Variants in SLC15A4 observed in about 807,000 individuals in gnomAD.
SLC15A4 encodes solute carrier family 15 member 4, also known as hPHT1.
A neutral mutation model predicts 46.1 loss-of-function variants in SLC15A4; 26 were observed. That is an observed-to-expected ratio of 0.56 (90% CI 0.41 to 0.78). The LOEUF is 0.78. SLC15A4 is among the 30% of genes least tolerant of loss of function. The pLI is 0.00. For missense variants in SLC15A4, 751 were observed against 755.7 expected (o/e 0.99, Z 0.07); for synonymous variants, 370 against 333.4 (o/e 1.11, Z -1.20).
chr12:128,823,584 G>T lies in SLC15A4; in HGVS notation c.360C>A (p.Phe120Leu). The change falls in exon 1 of 8, where the codon TTC becomes TTA. Residue 120 changes from phenylalanine to leucine, a missense_variant. Phe to Leu is a conservative substitution (Grantham distance 22, BLOSUM62 0). Transcript: ENST00000266771. Reference protein sequence around the residue: ...LALYLLGMLAFPLLAAPATRA... With the variant: ...LALYLLGMLALPLLAAPATRA... ...GCGTGGCGGGCGCGGCCAGCAGCGG[G>T]AAGGCCAGCATGCCCAGCAGGTAGA... 6.9e-7 allele frequency: 1 copy of T among 1,448,942 alleles called. No individual in the cohort carries two copies. The highest frequency in any genetic ancestry group is 1.4e-5 in the South Asian group (1 of 73,496). 89.8% of individuals were successfully genotyped at this position (1,448,942 alleles called of 1,614,324 possible).
At chr12:128,807,525 G>C (rs747913869) in intron 5 of SLC15A4, among the ~76,000 whole-genome samples, 7 of 152,222 alleles carry the variant, frequency 4.6e-5, no homozygotes, top group Admixed American at 1.3e-4. Context: ...CAGCCCCGGG[G>C]GGAGAGAGAG....
chr12:128,823,583 G>T lies in SLC15A4; in HGVS notation c.361C>A (p.Pro121Thr), dbSNP rs1214967419. 1 of 1,448,756 alleles carries T rather than the reference G, an allele frequency of 6.9e-7. No individual in the cohort carries two copies. The highest frequency in any genetic ancestry group is 9.0e-7 in the Non-Finnish European group (1 of 1,108,128). 89.7% of individuals were successfully genotyped at this position (1,448,756 alleles called of 1,614,324 possible). A position where few individuals can be genotyped will look rare whatever the true frequency, so the allele number is the denominator to read the frequency against. Reference protein sequence around the residue: ...ALYLLGMLAFPLLAAPATRAA... With the variant: ...ALYLLGMLAFTLLAAPATRAA... ...CGCGTGGCGGGCGCGGCCAGCAGCG[G>T]GAAGGCCAGCATGCCCAGCAGGTAG... The change falls in exon 1 of 8, where the codon CCG becomes ACG. Residue 121 changes from proline (P) to threonine (T), a missense_variant. Pro to Thr is a conservative substitution (Grantham distance 38). Coordinates refer to ENST00000266771, the MANE Select transcript of SLC15A4 (RefSeq NM_145648.4).
rs566116468 is a variant in SLC15A4, at chr12:128,809,270, A to G, written c.1089+126T>C. ...ATTCTCTAAAATAAGTAAAAACTCT[A>G]TTTCAATAACAATGCTTTTGTGTCG... is the stretch of plus-strand genomic sequence containing the variant. On this transcript the variant is annotated intron_variant, in intron 4 of 7. Transcript: ENST00000266771. The G allele has an allele frequency of 7.3e-6, 5 of 683,612 alleles. No homozygotes were observed. In the Admixed American group the frequency reaches 1.5e-4, roughly 20 times the overall value. The allele number at this position is 683,612 out of a possible 1,614,324, so 42.3% of individuals were successfully genotyped here. A position where few individuals can be genotyped will look rare whatever the true frequency, so the allele number is the denominator to read the frequency against.
chr12:128,822,756 G>A (rs1593020340), intron 1 of SLC15A4, among the ~76,000 whole-genome samples: 4 of 152,118 alleles, frequency 2.6e-5, no homozygotes. Flanking sequence ...GGCTGGTCTC[G>A]AACTCCTGAC....
intron 1 of SLC15A4, among the ~76,000 whole-genome samples, chr12:128,822,194 C>A (rs1481466582): frequency 6.6e-6 from 1 of 152,220 alleles, no homozygotes; most frequent in Non-Finnish European, 1.5e-5. Flanking sequence ...CACGTCCTTG[C>A]CCCTCCTGAA....
chr12:128,794,014 G>A lies in SLC15A4; in HGVS notation c.*182C>T, dbSNP rs1434295443. ...GAGGGCCCAGCGTGCCAGGAGACAC[G>A]CTGCAGTAAGGCACTTACCAAGCTC... On this transcript the variant is annotated 3_prime_UTR_variant, in exon 8 of 8. Transcript: ENST00000266771. 6.0e-6 allele frequency: 3 copies of A among 498,744 alleles called. No homozygotes were observed. The highest frequency in any genetic ancestry group is 2.9e-4 in the Middle Eastern group (1 of 3,446). 30.9% of individuals were successfully genotyped at this position (498,744 alleles called of 1,614,324 possible).
At chr12:128,814,729 C>A (rs372045411) in intron 2 of SLC15A4, 46 bp downstream of exon 2, 361 of 1,585,056 alleles carry the variant, frequency 2.3e-4, no homozygotes, top group Non-Finnish European at 2.9e-4. Flanking sequence ...ATAAAGAGAT[C>A]GATAAAGTCC....
chr12:128,823,441 A>T lies in SLC15A4; in HGVS notation c.503T>A (p.Val168Glu), dbSNP rs1477840644. 1 of 1,464,020 alleles carries T rather than the reference A, an allele frequency of 6.8e-7. No individual in the cohort carries two copies. Among genetic ancestry groups the T allele is most frequent in the Non-Finnish European group, 9.0e-7 (1 of 1,115,562 alleles). 90.7% of individuals were successfully genotyped at this position (1,464,020 alleles called of 1,614,324 possible). A position where few individuals can be genotyped will look rare whatever the true frequency, so the allele number is the denominator to read the frequency against. ...CGTGATGTTGGCCTTGACGGTGGCCACGCCCAGGCCCACCAGCACCAGCCC... is the reference window on the plus strand; with the variant it reads ...CGTGATGTTGGCCTTGACGGTGGCCTCGCCCAGGCCCACCAGCACCAGCCC... ...FAGLVLVGLGVATVKANITPF... is the reference protein window; with the variant it reads ...FAGLVLVGLGEATVKANITPF... Residue 168 changes from valine (V) to glutamate (E), a missense_variant, in exon 1 of 8, where the codon GTG (valine) becomes GAG (glutamate). Physicochemically the swap from Val to Glu is moderately radical, Grantham distance 121 (BLOSUM62 -2). Coordinates refer to ENST00000266771, the MANE Select transcript of SLC15A4 (RefSeq NM_145648.4).
At chr12:128,798,276 G>A (rs552332448) in intron 7 of SLC15A4, among the ~76,000 whole-genome samples, 6 of 152,324 alleles carry the variant, frequency 3.9e-5, no homozygotes, top group African/African-American at 1.2e-4. Context: ...ATCTTCAGGA[G>A]AAGGTGGGAA....
In SLC15A4 at chr12:128,810,568, G is replaced by C. The variant is rs1280198196; in HGVS notation, c.843-457C>G. Among the ~76,000 whole-genome samples the C allele has an allele frequency of 3.3e-5, 5 of 152,246 alleles. No individual in the cohort carries two copies. In the South Asian group the frequency reaches 8.3e-4, roughly 25 times the overall value. ...GCTAATTTATCAAACATCAAGACCT[G>C]ACAGCCAATACCCATGCTGTTAATA... On this transcript the variant is annotated intron_variant, in intron 2 of 7. Coordinates refer to ENST00000266771, the MANE Select transcript of SLC15A4 (RefSeq NM_145648.4).
At chr12:128,821,899 A>AAAAAG (rs1955846489) in intron 1 of SLC15A4, among the ~76,000 whole-genome samples, 1 of 110,222 alleles carries the variant, frequency 9.1e-6, no homozygotes, top group African/African-American at 3.0e-5. Flanking sequence ...AAAAAAAAAA[A>AAAAAG]AAAGAAAGAA....
At chr12:128,815,306 G>A in intron 1 of SLC15A4, 2 of 166,886 alleles carry the variant, frequency 1.2e-5, no homozygotes, top group South Asian at 1.5e-4. Flanking sequence ...TCCAACAAAT[G>A]CTAGAGAGTT....
intron 5 of SLC15A4, chr12:128,801,315 T>C (rs1484616659): frequency 4.5e-6 from 1 of 222,326 alleles, no homozygotes; most frequent in Non-Finnish European, 8.9e-6. Flanking sequence ...CATACCTCGT[T>C]TGTCTCTTAC....
intron 5 of SLC15A4, among the ~76,000 whole-genome samples, chr12:128,803,552 C>T (rs957996424): frequency 3.9e-5 from 6 of 152,172 alleles, no homozygotes; most frequent in Non-Finnish European, 8.8e-5. Context: ...ATGCCACATG[C>T]GCTACCTTCC....
intron 4 of SLC15A4, 116 bp downstream of exon 4, chr12:128,809,280 C>T: frequency 1.4e-6 from 1 of 705,182 alleles, no homozygotes; most frequent in Non-Finnish European, 2.4e-6. Context: ...ATTTCAATAA[C>T]AATGCTTTTG....
chr12:128,816,103 A>G (rs1469669867), intron 1 of SLC15A4, among the ~76,000 whole-genome samples: 2 of 152,236 alleles, frequency 1.3e-5, no homozygotes, highest in East Asian at 3.9e-4. Context: ...AAAAGGCTCA[A>G]AAATCACTGA....
intron 5 of SLC15A4, among the ~76,000 whole-genome samples, chr12:128,802,436 C>A (rs528685115): frequency 9.9e-5 from 15 of 152,252 alleles, no homozygotes; most frequent in Admixed American, 3.9e-4. Context: ...TAGCTGACTA[C>A]ACTGGTCCCC....
intron 2 of SLC15A4, 149 bp from the exon 3 acceptor site, chr12:128,810,260 C>T: frequency 3.0e-6 from 2 of 665,772 alleles, no homozygotes; most frequent in Non-Finnish European, 2.5e-6. Context: ...ACACACCCAA[C>T]ACAGCTACCT....
chr12:128,808,746 T>C (rs1955617569), intron 5 of SLC15A4, 42 bp downstream of exon 5: 1 of 1,602,256 alleles, frequency 6.2e-7, no homozygotes, highest in Non-Finnish European at 8.5e-7. Context: ...CCACAACTGC[T>C]GCAGTCGGGC....
Sources: allele counts gnomAD v4.1 joint callset (sites outside exome capture counted in the v4.1 genomes callset), GRCh38; gene constraint gnomAD v4.1.1; transcripts MANE v1.5; gene names NCBI Gene and HGNC (gene_info 2026-07-23, HGNC 2026-07-21).